ANKRD11: variants seen among roughly 807,000 people sequenced by gnomAD.
ANKRD11 encodes the protein ankyrin repeat domain 11, also known as ankyrin repeat domain-containing protein 11.
In ANKRD11, 17 loss-of-function variants were observed where a neutral mutation model predicts 195.7. The ratio of observed to expected loss-of-function variants is 0.09; its 90% CI spans 0.06 to 0.13. The LOEUF (loss-of-function observed/expected upper bound fraction) is 0.13. Ranked by LOEUF, ANKRD11 falls within the 10% of genes least tolerant of loss-of-function variation. ANKRD11 has a pLI of 1.00. For synonymous variants in ANKRD11, 1,953 were observed against 1,528.1 expected (o/e 1.28, Z -6.49); for missense variants, 3,735 against 3,566.1 (o/e 1.05, Z -1.21).
At chr16:89,402,943 C>G (rs1253322502) in intron 2 of ANKRD11, among the ~76,000 whole-genome samples, 1 of 152,126 alleles carries the variant, frequency 6.6e-6, no homozygotes, top group African/African-American at 2.4e-5. Flanking sequence ...GCAACCTAGC[C>G]TGCCAGTGGA....
rs563650613 is a variant in ANKRD11, at chr16:89,427,106, TATC to T, written c.-144-8741_-144-8739del. ...AAGATCAATATACAAAAGTCAGCTG[TATC>T]ATCATCATACACAAGCAATGAACAA... On this transcript the variant is annotated intron_variant, in intron 1 of 12. Coordinates refer to ENST00000301030, the MANE Select transcript of ANKRD11 (RefSeq NM_013275.6). 5.1e-3 allele frequency among the ~76,000 whole-genome samples: 780 copies of T among 152,312 alleles called. 5 individuals are homozygous for T. The highest frequency in any genetic ancestry group is 0.018 in the African/African-American group (757 of 41,562).
At chr16:89,383,981 A>G (rs914382029) in intron 2 of ANKRD11, among the ~76,000 whole-genome samples, 5 of 152,248 alleles carry the variant, frequency 3.3e-5, no homozygotes, top group African/African-American at 4.8e-5. Flanking sequence ...TGAAACTGGG[A>G]GGCTGAGGCA....
rs2034465588 is a variant in ANKRD11 at position 89,283,938 on chromosome 16, C to T, written c.2604G>A (p.Met868Ile). ...TGAGCTTGGCCACAGAGTCGCTCTTCATGTCCCTGTAGTCTGTCACTGGCG... is the reference window on the plus strand; with the variant it reads ...TGAGCTTGGCCACAGAGTCGCTCTTTATGTCCCTGTAGTCTGTCACTGGCG... ...WDSPVTDYRD[M>I]KSDSVAKLIL... The change falls in exon 9 of 13, where the codon ATG becomes ATA. Residue 868 changes from methionine to isoleucine, a missense_variant. Physicochemically the swap from Met to Ile is conservative, Grantham distance 10. Coordinates refer to ENST00000301030, the MANE Select transcript of ANKRD11 (RefSeq NM_013275.6). This position sits in a 1 kb window ranked among gnomAD's most constrained non-coding sequence, Gnocchi z 4.3. The T allele has an allele frequency of 1.2e-6, 2 of 1,614,002 alleles. No homozygotes were observed. Among genetic ancestry groups the T allele is most frequent in the African/African-American group, 1.3e-5 (1 of 74,934 alleles).
chr16:89,335,212 G>A (rs542313409), intron 2 of ANKRD11, among the ~76,000 whole-genome samples: 8 of 152,266 alleles, frequency 5.3e-5, no homozygotes, highest in Admixed American at 1.3e-4. Flanking sequence ...CATTGTCCTG[G>A]CGTTCCATGC....
intron 1 of ANKRD11, among the ~76,000 whole-genome samples, chr16:89,457,266 A>C (rs1254009137): frequency 6.8e-6 from 1 of 146,622 alleles, no homozygotes; most frequent in Non-Finnish European, 1.5e-5. Context: ...GCCGAGTCTT[A>C]CCTCAATAAA....
intron 3 of ANKRD11, among the ~76,000 whole-genome samples, chr16:89,308,810 G>T (rs1048368292): frequency 1.3e-5 from 2 of 152,100 alleles, no homozygotes; most frequent in Non-Finnish European, 2.9e-5. Flanking sequence ...TGAGAAACGG[G>T]TGCACACCAT....
At chr16:89,466,212 T>C (rs1384671245) in intron 1 of ANKRD11, among the ~76,000 whole-genome samples, 1 of 151,660 alleles carries the variant, frequency 6.6e-6, no homozygotes, top group Admixed American at 6.6e-5. Context: ...TGCTGACAGT[T>C]CAATTCTCTG....
At chr16:89,324,906 C>G in intron 2 of ANKRD11, 1 of 224,014 alleles carries the variant, frequency 4.5e-6, no homozygotes, top group South Asian at 5.7e-5. Flanking sequence ...AATAAACTCC[C>G]CTCCATATAT....
At position 89,281,417 on chromosome 16, in the gene ANKRD11, C is replaced by G; in HGVS notation, c.5125G>C (p.Val1709Leu). 1.2e-6 allele frequency: 2 copies of G among 1,611,198 alleles called. No homozygotes were observed. The highest frequency in any genetic ancestry group is 1.7e-6 in the Non-Finnish European group (2 of 1,177,968). The change falls in exon 9 of 13, where the codon GTG becomes CTG. Residue 1709 changes from valine (V) to leucine (L), a missense_variant. Coordinates refer to ENST00000301030, the MANE Select transcript of ANKRD11 (RefSeq NM_013275.6). This position sits in a 1 kb window ranked among gnomAD's most constrained non-coding sequence, Gnocchi z 5.5. ...TCCTCGTAGCTGGGGCAGGATAGCACCGACGTAGGGGTGGGCACGCCAGTG... is the reference window on the plus strand; with the variant it reads ...TCCTCGTAGCTGGGGCAGGATAGCAGCGACGTAGGGGTGGGCACGCCAGTG... ...RPTGVPTPTS[V>L]LSCPSYEEVM...
At position 89,279,635 on chromosome 16, in the gene ANKRD11, C is replaced by T. The variant is rs1006348798; in HGVS notation, c.6907G>A (p.Ala2303Thr). ...DTEASRAAAPAEGPPGGIQPE... is the reference protein window; with the variant it reads ...DTEASRAAAPTEGPPGGIQPE... ...TGGATGCCGCCAGGAGGGCCTTCGGCTGGGGCGGCGGCACGGGAGGCCTCA... is the reference window on the plus strand; with the variant it reads ...TGGATGCCGCCAGGAGGGCCTTCGGTTGGGGCGGCGGCACGGGAGGCCTCA... Residue 2303 changes from alanine (A) to threonine (T), a missense_variant, in exon 9 of 13, where the codon GCC (alanine) becomes ACC (threonine). Transcript: ENST00000301030. This position sits in a 1 kb window ranked among gnomAD's most constrained non-coding sequence, Gnocchi z 5.6. 15 of 1,438,540 alleles carry T rather than the reference C, an allele frequency of 1.0e-5. No homozygotes were observed. The South Asian group carries it at 1.2e-4, about 11-fold the overall frequency. 89.1% of individuals were successfully genotyped at this position (1,438,540 alleles called of 1,614,324 possible). A position where few individuals can be genotyped will look rare whatever the true frequency, so the allele number is the denominator to read the frequency against.
intron 1 of ANKRD11, among the ~76,000 whole-genome samples, chr16:89,427,424 G>C (rs1328309883): frequency 6.6e-6 from 1 of 152,196 alleles, no homozygotes; most frequent in African/African-American, 2.4e-5. Context: ...AGATGGAATT[G>C]TAAACCTCTT....
At position 89,280,064 on chromosome 16, in the gene ANKRD11, G is replaced by T; in HGVS notation, c.6478C>A (p.Leu2160Ile). Residue 2160 changes from leucine to isoleucine, a missense_variant, in exon 9 of 13, where the codon CTT becomes ATT. Coordinates refer to ENST00000301030, the MANE Select transcript of ANKRD11 (RefSeq NM_013275.6). ...DGEAEPVEES[L>I]APPEEMPPGA... is the part of the protein sequence containing the mutation. The stretch of plus-strand genomic sequence containing the variant: ...GGAGGCATCTCTTCTGGAGGAGCAA[G>T]ACTTTCTTCCACGGGTTCCGCTTCA... 1.2e-6 allele frequency: 2 copies of T among 1,613,080 alleles called. No homozygotes were observed. Among genetic ancestry groups the T allele is most frequent in the Non-Finnish European group, 1.7e-6 (2 of 1,179,966 alleles).
intron 1 of ANKRD11, among the ~76,000 whole-genome samples, chr16:89,466,380 C>T (rs1370474182): frequency 6.6e-6 from 1 of 152,088 alleles, no homozygotes; most frequent in East Asian, 1.9e-4. Context: ...CAGGGGACCG[C>T]ATGAGGATGG....
chr16:89,378,375 T>C (rs1018889998), intron 2 of ANKRD11, among the ~76,000 whole-genome samples: 2 of 152,212 alleles, frequency 1.3e-5, no homozygotes, highest in African/African-American at 4.8e-5. Flanking sequence ...ACCAAACATA[T>C]ATAATGATTT....
At chr16:89,278,760 GGA>G (rs897337806) in intron 9 of ANKRD11, 27 of 566,164 alleles carry the variant, frequency 4.8e-5, no homozygotes, top group African/African-American at 4.1e-4. Context: ...AGTGGAGAGG[GGA>G]GAGTGAGCGG....
At chr16:89,315,661 C>T (rs930789358) in intron 3 of ANKRD11, among the ~76,000 whole-genome samples, 2 of 152,222 alleles carry the variant, frequency 1.3e-5, no homozygotes, top group African/African-American at 4.8e-5. Flanking sequence ...GAGCTTGGGA[C>T]AGAGCAAGTG....
chr16:89,300,737 C>T (rs960897069), intron 4 of ANKRD11: 19 of 571,024 alleles, frequency 3.3e-5, no homozygotes, highest in South Asian at 6.4e-5. Flanking sequence ...TGCCAAGCAC[C>T]TAACGCTGAA....
chr16:89,446,723 C>G (rs918600284), intron 1 of ANKRD11, among the ~76,000 whole-genome samples: 2 of 152,194 alleles, frequency 1.3e-5, no homozygotes, highest in African/African-American at 4.8e-5. Flanking sequence ...AATGACAGTG[C>G]CACCAGCCAC....
intron 1 of ANKRD11, among the ~76,000 whole-genome samples, chr16:89,466,887 T>G (rs919585361): frequency 6.6e-6 from 1 of 152,234 alleles, no homozygotes; most frequent in African/African-American, 2.4e-5. Context: ...CTCCCTTCCC[T>G]GGAGGTCAGT....
Sources: gnomAD v4.1 joint callset for allele counts (sites outside exome capture counted in the v4.1 genomes callset) on GRCh38, gnomAD v4.1.1 for gene constraint, Gnocchi (gnomAD v3.1) non-coding constraint, MANE v1.5 for transcripts, NCBI Gene and HGNC (gene_info 2026-07-23, HGNC 2026-07-21) for gene names.